MTUS2: variants seen among roughly 807,000 people sequenced by gnomAD.
MTUS2 encodes the protein microtubule associated scaffold protein 2.
A neutral mutation model predicts 114.1 loss-of-function variants in MTUS2; 40 were observed. The ratio of observed to expected loss-of-function variants is 0.35; its 90% CI spans 0.27 to 0.46. The LOEUF (loss-of-function observed/expected upper bound fraction) is 0.46, where lower values mean the gene tolerates loss of function less well. MTUS2 is among the 20% of genes least tolerant of loss of function. The probability of loss-of-function intolerance (pLI) is 1.00; values close to 1 mark genes in which losing one functional copy is unlikely to be tolerated. For synonymous variants in MTUS2, 688 were observed against 672.0 expected (o/e 1.02, Z -0.37); for missense variants, 1,679 against 1,705.4 (o/e 0.98, Z 0.27).
At chr13:28,827,613 A>G (rs1304017893) in intron 1 of MTUS2, among the ~76,000 whole-genome samples, 1 of 152,172 alleles carries the variant, frequency 6.6e-6, no homozygotes, top group African/African-American at 2.4e-5. Context: ...AGCCCCCAAT[A>G]TTTGACGTGG....
intron 2 of MTUS2, among the ~76,000 whole-genome samples, chr13:28,997,071 T>G (rs995548042): frequency 1.3e-5 from 2 of 152,256 alleles, no homozygotes; most frequent in African/African-American, 4.8e-5. Flanking sequence ...TTTGAATGTG[T>G]CCCAGAGGTT....
intron 9 of MTUS2, among the ~76,000 whole-genome samples, chr13:29,457,496 C>G (rs1266169350): frequency 6.7e-6 from 1 of 148,466 alleles, no homozygotes; most frequent in Non-Finnish European, 1.5e-5. Context: ...GACTAGCATT[C>G]CATTTGCATG....
chr13:29,153,768 T>G (rs1363328013), intron 5 of MTUS2, among the ~76,000 whole-genome samples: 1 of 152,250 alleles, frequency 6.6e-6, no homozygotes, highest in East Asian at 1.9e-4. Context: ...CCTCTTTTAT[T>G]CTTCCTATTT....
intron 7 of MTUS2, among the ~76,000 whole-genome samples, chr13:29,333,367 T>G (rs959050330): frequency 6.6e-6 from 1 of 152,074 alleles, no homozygotes; most frequent in Non-Finnish European, 1.5e-5. Flanking sequence ...CCGGTTAATT[T>G]TGTATTTTTA....
chr13:29,084,521 TC>T (rs1889585400), intron 4 of MTUS2, among the ~76,000 whole-genome samples: 1 of 56,178 alleles, frequency 1.8e-5, no homozygotes, highest in African/African-American at 6.2e-5. Context: ...TCCCCTCCCC[TC>T]CCCTCTCCCC....
intron 5 of MTUS2, among the ~76,000 whole-genome samples, chr13:29,136,008 G>A (rs900646390): frequency 2.0e-5 from 3 of 152,088 alleles, no homozygotes; most frequent in African/African-American, 7.2e-5. Flanking sequence ...AATTGTATTA[G>A]ACTCTTAAGT....
intron 4 of MTUS2, among the ~76,000 whole-genome samples, chr13:29,057,938 TGGTGTTTCCA>T (rs960417208): frequency 6.6e-6 from 1 of 152,142 alleles, no homozygotes; most frequent in Admixed American, 6.5e-5. Flanking sequence ...TGGCCAGCAA[TGGTGTTTCCA>T]TATGTAGCAC....
chr13:28,894,561 CT>C (rs1879153499), intron 2 of MTUS2, among the ~76,000 whole-genome samples: 2 of 152,196 alleles, frequency 1.3e-5, no homozygotes, highest in Admixed American at 1.3e-4. Context: ...TGGTGTTTTG[CT>C]GTGGCAGCCC....
At chr13:28,963,488 G>T (rs558251658) in intron 2 of MTUS2, among the ~76,000 whole-genome samples, 1 of 152,250 alleles carries the variant, frequency 6.6e-6, no homozygotes, top group South Asian at 2.1e-4. Flanking sequence ...ACAAAAAATG[G>T]TCTGTTTAAA....
intron 4 of MTUS2, among the ~76,000 whole-genome samples, chr13:29,037,482 A>T (rs1186091028): frequency 3.9e-5 from 6 of 151,980 alleles, no homozygotes; most frequent in Non-Finnish European, 8.8e-5. Flanking sequence ...TCATATAATT[A>T]TGTGTCTTGG....
At chr13:29,124,744 T>C (rs756991600) in intron 5 of MTUS2, among the ~76,000 whole-genome samples, 10 of 152,192 alleles carry the variant, frequency 6.6e-5, no homozygotes, top group Non-Finnish European at 1.3e-4. Flanking sequence ...AGAAGACAAT[T>C]CAGCCTTAAA....
At chr13:29,052,518 A>C (rs1047251494) in intron 4 of MTUS2, among the ~76,000 whole-genome samples, 4 of 152,036 alleles carry the variant, frequency 2.6e-5, no homozygotes, top group Non-Finnish European at 5.9e-5. Flanking sequence ...GCTAGCAGCT[A>C]GAGGATATCC....
At chr13:28,935,727 C>T (rs759224449) in intron 2 of MTUS2, among the ~76,000 whole-genome samples, 5 of 152,076 alleles carry the variant, frequency 3.3e-5, no homozygotes, top group Non-Finnish European at 5.9e-5. Flanking sequence ...TTAACTCAGC[C>T]TCAGGGTGCA....
intron 8 of MTUS2, among the ~76,000 whole-genome samples, chr13:29,390,205 G>T (rs1401688804): frequency 6.6e-6 from 1 of 150,950 alleles, no homozygotes; most frequent in Admixed American, 6.6e-5. Flanking sequence ...TTCTAATGGA[G>T]TGAAAGGACT....
intron 1 of MTUS2, among the ~76,000 whole-genome samples, chr13:28,831,790 T>C (rs915054299): frequency 4.1e-5 from 6 of 147,424 alleles, no homozygotes; most frequent in Non-Finnish European, 7.5e-5. Context: ...AGAGTCTCAC[T>C]CTGCTGCTCA....
At chr13:29,115,050 G>A (rs1927839) in intron 5 of MTUS2, among the ~76,000 whole-genome samples, 147,879 of 152,348 alleles carry the variant, frequency 0.97, 71,867 homozygotes, top group Non-Finnish European at 1. Context: ...AGAAAGTAAT[G>A]CAAGATGTGA....
chr13:29,313,133 T>G (rs7337443), intron 6 of MTUS2, among the ~76,000 whole-genome samples: 1 of 152,326 alleles, frequency 6.6e-6, no homozygotes, highest in East Asian at 1.9e-4. Context: ...GCCCCAGAGC[T>G]TTAGAACAGC....
At chr13:28,885,598 A>G (rs1878546287) in intron 2 of MTUS2, among the ~76,000 whole-genome samples, 1 of 152,208 alleles carries the variant, frequency 6.6e-6, no homozygotes, top group South Asian at 2.1e-4. Context: ...GGAAGACGCC[A>G]ATTTTACTAC....
chr13:28,840,651 A>G (rs1461379600), intron 2 of MTUS2, among the ~76,000 whole-genome samples: 1 of 152,202 alleles, frequency 6.6e-6, no homozygotes, highest in East Asian at 1.9e-4. Context: ...CTCCGTAAAC[A>G]TGGTGCTCTT....
Sources: gnomAD v4.1 joint callset for allele counts (sites outside exome capture counted in the v4.1 genomes callset) on GRCh38, gnomAD v4.1.1 for gene constraint, MANE v1.5 for transcripts, NCBI Gene and HGNC (gene_info 2026-07-23, HGNC 2026-07-21) for gene names.